Variants in DHRSX observed in about 807,000 individuals in gnomAD.
The protein encoded by DHRSX is dehydrogenase/reductase X-linked.
A neutral mutation model predicts 34.0 loss-of-function variants in DHRSX; 31 were observed. The observed-to-expected ratio is 0.91, with a 90% confidence interval of 0.69 to 1.23. DHRSX has a LOEUF of 1.23. Among genes scored for constraint, DHRSX ranks in the 50% most tolerant of loss-of-function variants. The pLI is 0.00. For missense variants in DHRSX, 414 were observed against 428.1 expected, an observed-to-expected ratio of 0.97 and a Z score of 0.29; for synonymous variants, 201 against 183.8, an observed-to-expected ratio of 1.09 and a Z score of -0.76.
At chrX:2,303,413 C>G (rs1234362118) in intron 3 of DHRSX, among the ~76,000 whole-genome samples, 1 of 151,962 alleles carries the variant, frequency 6.6e-6, no homozygotes, top group Non-Finnish European at 1.5e-5. Flanking sequence ...AATGAGTTCC[C>G]ACAAGATCTG....
At chrX:2,258,540 A>C (rs970672514) in intron 5 of DHRSX, among the ~76,000 whole-genome samples, 1 of 151,912 alleles carries the variant, frequency 6.6e-6, no homozygotes, top group African/African-American at 2.4e-5. Context: ...CACAGGGAGA[A>C]GACGGTGTCT....
intron 5 of DHRSX, among the ~76,000 whole-genome samples, chrX:2,249,356 C>CTT (rs765751396): frequency 0.064 from 8,492 of 133,290 alleles, 871 homozygotes; most frequent in African/African-American, 0.21. Context: ...CCATGCCCGG[C>CTT]TTTTTTTTTT....
chrX:2,392,948 C>A (rs2043353129), intron 3 of DHRSX, among the ~76,000 whole-genome samples: 1 of 141,760 alleles, frequency 7.1e-6, no homozygotes, highest in African/African-American at 2.5e-5. Context: ...CAAAGTATAT[C>A]TTGTATATAA....
At chrX:2,357,880 T>C (rs771629306) in intron 3 of DHRSX, among the ~76,000 whole-genome samples, 3 of 151,936 alleles carry the variant, frequency 2.0e-5, no homozygotes, top group South Asian at 2.1e-4. Flanking sequence ...AAATGGAAAA[T>C]AGAGAAACAC....
chrX:2,242,368 T>G (rs185755758), intron 6 of DHRSX, among the ~76,000 whole-genome samples: 7 of 151,874 alleles, frequency 4.6e-5, no homozygotes, highest in African/African-American at 7.2e-5. Flanking sequence ...GGTGAGAATG[T>G]ACAAATACAT....
chrX:2,410,411 G>A (rs2043610922), intron 2 of DHRSX, among the ~76,000 whole-genome samples: 1 of 152,200 alleles, frequency 6.6e-6, no homozygotes, highest in African/African-American at 2.4e-5. Context: ...CAGTTACCAA[G>A]GGGGTGGGGC....
intron 1 of DHRSX, among the ~76,000 whole-genome samples, chrX:2,491,645 A>C (rs904093873): frequency 5.3e-5 from 8 of 152,176 alleles, no homozygotes; most frequent in African/African-American, 1.4e-4. Flanking sequence ...CACTCTTCTC[A>C]AACTTTATGG....
intron 5 of DHRSX, among the ~76,000 whole-genome samples, chrX:2,243,799 T>TTTTTTTTG (rs2016209024): frequency 3.0e-4 from 7 of 23,344 alleles, no homozygotes; most frequent in African/African-American, 5.8e-4. Flanking sequence ...TTTTTTTTTT[T>TTTTTTTTG]TTTTTTTTTT....
In DHRSX at chrX:2,382,740, G is replaced by GCCATCATCATTATCA. The variant is rs1569495750; in HGVS notation, c.286+26004_286+26005insTGATAATGATGATGG. Among the ~76,000 whole-genome samples, 16 of 16,764 alleles carry GCCATCATCATTATCA rather than the reference G, an allele frequency of 9.5e-4. 1 individual carries two copies. The highest frequency in any genetic ancestry group is 2.9e-3 in the African/African-American group (16 of 5,496). 11.0% of individuals were successfully genotyped at this position (16,764 alleles called of 152,430 possible). On this transcript the variant is annotated intron_variant, in intron 3 of 6. Coordinates refer to ENST00000334651, the MANE Select transcript of DHRSX (RefSeq NM_145177.3). ...CACCACCATCATCACCATCATCATC[G>GCCATCATCATTATCA]CCATCATCATCACTATCATCATCAT...
intron 1 of DHRSX, among the ~76,000 whole-genome samples, chrX:2,484,751 A>T (rs1384363739): frequency 1.3e-5 from 2 of 152,126 alleles, no homozygotes; most frequent in Non-Finnish European, 2.9e-5. Flanking sequence ...ACAGAGGGGA[A>T]AACAGTAGAA....
At chrX:2,302,937 A>G (rs2042031202) in intron 3 of DHRSX, among the ~76,000 whole-genome samples, 1 of 152,080 alleles carries the variant, frequency 6.6e-6, no homozygotes, top group African/African-American at 2.4e-5. Flanking sequence ...TTTGCCATGG[A>G]GAGTTTAAAA....
chrX:2,331,533 C>T (rs751416365), intron 3 of DHRSX, among the ~76,000 whole-genome samples: 3 of 144,730 alleles, frequency 2.1e-5, no homozygotes, highest in South Asian at 4.6e-4. Context: ...CTGCAACCTC[C>T]ACCTCCCAGG....
intron 4 of DHRSX, among the ~76,000 whole-genome samples, chrX:2,277,087 T>G (rs1448128765): frequency 8.9e-4 from 36 of 40,370 alleles, no homozygotes; most frequent in East Asian, 5.2e-3. Context: ...GAAAGAGAGA[T>G]GGAGAGGGAA....
intron 5 of DHRSX, among the ~76,000 whole-genome samples, chrX:2,251,416 GCTTTTTC>G (rs1399484113): frequency 6.6e-6 from 1 of 152,146 alleles, no homozygotes; most frequent in Non-Finnish European, 1.5e-5. Flanking sequence ...ATCTAAAAGT[GCTTTTTC>G]CTTTCTCAGC....
intron 3 of DHRSX, among the ~76,000 whole-genome samples, chrX:2,370,145 G>T (rs1281356365): frequency 6.6e-6 from 1 of 151,700 alleles, no homozygotes; most frequent in Non-Finnish European, 1.5e-5. Flanking sequence ...GTCTACAAAT[G>T]CACCATTCCC....
intron 4 of DHRSX, among the ~76,000 whole-genome samples, chrX:2,289,029 TG>T (rs1168836356): frequency 1.3e-5 from 2 of 152,212 alleles, no homozygotes; most frequent in African/African-American, 4.8e-5. Context: ...CTGTCACAGA[TG>T]TGGTTCATAT....
chrX:2,405,341 G>A (rs1424213091), intron 3 of DHRSX, among the ~76,000 whole-genome samples: 2 of 151,926 alleles, frequency 1.3e-5, no homozygotes, highest in African/African-American at 4.8e-5. Flanking sequence ...ACAAAAATTA[G>A]CCGGGCTTGG....
intron 1 of DHRSX, among the ~76,000 whole-genome samples, chrX:2,446,360 C>G (rs1456385423): frequency 6.7e-6 from 1 of 149,746 alleles, no homozygotes; most frequent in African/African-American, 2.5e-5. Context: ...TCACTGAAGA[C>G]GTTCCCTAAG....
chrX:2,340,082 C>A (rs1160305312), intron 3 of DHRSX, among the ~76,000 whole-genome samples: 1 of 151,700 alleles, frequency 6.6e-6, no homozygotes, highest in Non-Finnish European at 1.5e-5. Context: ...AGCAAACTAA[C>A]ACAAGAACAG....
Sources: allele counts gnomAD v4.1 joint callset (sites outside exome capture counted in the v4.1 genomes callset), GRCh38; gene constraint gnomAD v4.1.1; transcripts MANE v1.5; gene names NCBI Gene and HGNC (gene_info 2026-07-23, HGNC 2026-07-21).